Variants in GTPBP10 observed in about 807,000 individuals in gnomAD.
GTPBP10 encodes the protein GTP binding protein 10.
Under a neutral mutation model 44.8 loss-of-function variants are expected in GTPBP10, and 38 were observed. The observed-to-expected ratio is 0.85, with a 90% CI of 0.65 to 1.11. The LOEUF is 1.11. Among genes scored for constraint, GTPBP10 ranks in the 50% most tolerant of loss-of-function variants. The probability of loss-of-function intolerance (pLI) is 0.00; values close to 1 mark genes in which losing one functional copy is unlikely to be tolerated. For synonymous variants in GTPBP10, 152 were observed against 150.6 expected, an observed-to-expected ratio of 1.01 and a Z score of -0.07; for missense variants, 462 against 453.7, an observed-to-expected ratio of 1.02 and a Z score of -0.17.
intron 4 of GTPBP10, among the ~76,000 whole-genome samples, chr7:90,371,851 T>TA (rs1263629098): frequency 1.3e-5 from 2 of 152,026 alleles, no homozygotes; most frequent in Non-Finnish European, 2.9e-5. Flanking sequence ...GTTAGAAAGT[T>TA]ACAGGTGTTT....
chr7:90,383,396 A>G (rs1461770291), intron 9 of GTPBP10, among the ~76,000 whole-genome samples: 1 of 152,198 alleles, frequency 6.6e-6, no homozygotes, highest in Non-Finnish European at 1.5e-5. Context: ...GTCAGCATCT[A>G]CCTGTGAAGT....
intron 4 of GTPBP10, among the ~76,000 whole-genome samples, chr7:90,357,983 A>C (rs1795939812): frequency 6.6e-6 from 1 of 152,170 alleles, no homozygotes; most frequent in Non-Finnish European, 1.5e-5. Flanking sequence ...ATTGGAAAGA[A>C]GGAAGTCAAA....
chr7:90,348,074 G>T (rs1264775880), intron 1 of GTPBP10, among the ~76,000 whole-genome samples: 1 of 152,012 alleles, frequency 6.6e-6, no homozygotes, highest in Non-Finnish European at 1.5e-5. Flanking sequence ...AACAGTCGGG[G>T]TGGTGTGGTG....
At chr7:90,366,719 CA>C (rs57926111) in intron 4 of GTPBP10, among the ~76,000 whole-genome samples, 2,598 of 138,360 alleles carry the variant, frequency 0.019, 67 homozygotes, top group African/African-American at 0.061. Context: ...TAGATTCTTT[CA>C]AAAAAAAAAA....
chr7:90,382,914 AACCAGT>A, intron 8 of GTPBP10, 36 bp from the exon 9 acceptor site: 1 of 1,394,326 alleles, frequency 7.2e-7, no homozygotes, highest in Non-Finnish European at 9.6e-7. Context: ...TTTATACAGA[AACCAGT>A]ACTAAAATTA....
chr7:90,386,258 G>A lies in GTPBP10; in HGVS notation c.*1104G>A, dbSNP rs543011259. On this transcript the variant is annotated 3_prime_UTR_variant, in exon 10 of 10. Coordinates refer to ENST00000222511, the MANE Select transcript of GTPBP10 (RefSeq NM_033107.4). ...TTTTGAGCCTGTCTTGTACCTGGTT[G>A]CACTAAATATATAATAGTTATCTTT... The A allele has an allele frequency of 2.6e-5, 4 of 152,182 alleles. No individual in the cohort carries two copies. The South Asian group carries it at 8.3e-4, about 32-fold the overall frequency. 9.4% of individuals were successfully genotyped at this position (152,182 alleles called of 1,614,324 possible). A position where few individuals can be genotyped will look rare whatever the true frequency, so the allele number is the denominator to read the frequency against.
chr7:90,364,606 C>T (rs1796094502), intron 4 of GTPBP10, among the ~76,000 whole-genome samples: 1 of 152,208 alleles, frequency 6.6e-6, no homozygotes. Context: ...GGCAGTCTGT[C>T]CGTTCTCAGT....
chr7:90,375,767 C>T (rs988698561), intron 6 of GTPBP10, among the ~76,000 whole-genome samples: 1 of 152,004 alleles, frequency 6.6e-6, no homozygotes, highest in African/African-American at 2.4e-5. Context: ...CGAGTACTGC[C>T]TCTCATTCTT....
chr7:90,376,101 G>C (rs1467880082), intron 6 of GTPBP10, among the ~76,000 whole-genome samples: 2 of 151,722 alleles, frequency 1.3e-5, no homozygotes, highest in African/African-American at 4.8e-5. Flanking sequence ...TGGGTGTGGT[G>C]GTGGGTGCCT....
rs1489112591 is a variant in GTPBP10, at chr7:90,346,787, C to G, written c.33+13C>G. On this transcript the variant is annotated intron_variant, in intron 1 of 9. Transcript: ENST00000222511. ...GTTGTTCAGAAAGGTCCGTGCGGGT[C>G]CCCTCAGCCTGGTCCCCTTAGCGCT... The G allele has an allele frequency of 1.2e-6, 2 of 1,613,254 alleles. No individual in the cohort carries two copies. Among genetic ancestry groups the G allele is most frequent in the Non-Finnish European group, 8.5e-7 (1 of 1,179,866 alleles).
intron 4 of GTPBP10, among the ~76,000 whole-genome samples, chr7:90,365,778 C>A (rs1796122800): frequency 6.6e-6 from 1 of 152,218 alleles, no homozygotes; most frequent in African/African-American, 2.4e-5. Flanking sequence ...CCTGACGGCC[C>A]TGGCCAAAAC....
intron 7 of GTPBP10, chr7:90,377,915 T>G: frequency 2.4e-6 from 1 of 424,892 alleles, no homozygotes; most frequent in Non-Finnish European, 3.2e-6. Flanking sequence ...ACAAATTGTC[T>G]TATCCTAGTT....
At chr7:90,362,635 G>A (rs1796047345) in intron 4 of GTPBP10, among the ~76,000 whole-genome samples, 1 of 152,176 alleles carries the variant, frequency 6.6e-6, no homozygotes, top group Non-Finnish European at 1.5e-5. Context: ...GAGTTCTGTA[G>A]ATGTCTATTA....
rs1796545381 is a variant in GTPBP10, at chr7:90,387,546, T to G, written c.*2392T>G. ...GATGTTTTCCCAGTATTATTTCAAT[T>G]ATATTTGTTTTATTTTCTGTTCCTC... On this transcript the variant is annotated 3_prime_UTR_variant, in exon 10 of 10. Transcript: ENST00000222511. The G allele has an allele frequency of 6.6e-6, 1 of 152,188 alleles. No individual in the cohort carries two copies. 9.4% of individuals were successfully genotyped at this position (152,188 alleles called of 1,614,324 possible).
intron 4 of GTPBP10, 72 bp from the exon 5 acceptor site, chr7:90,372,083 T>A: frequency 4.6e-6 from 4 of 864,618 alleles, no homozygotes; most frequent in Non-Finnish European, 7.4e-6. Flanking sequence ...ATTCATGAAG[T>A]CTACTTGAAT....
At chr7:90,380,132 G>A (rs1445132299) in intron 8 of GTPBP10, among the ~76,000 whole-genome samples, 1 of 139,452 alleles carries the variant, frequency 7.2e-6, no homozygotes, top group African/African-American at 2.7e-5. Context: ...GGGCTGGAGT[G>A]CGGTGGCACA....
chr7:90,353,475 A>G (rs1371225222), intron 2 of GTPBP10, among the ~76,000 whole-genome samples: 1 of 152,256 alleles, frequency 6.6e-6, no homozygotes, highest in Non-Finnish European at 1.5e-5. Context: ...ATGAGAGTAC[A>G]GTATTTTACA....
intron 4 of GTPBP10, among the ~76,000 whole-genome samples, chr7:90,361,019 G>A (rs1185755448): frequency 1.3e-5 from 2 of 152,006 alleles, no homozygotes; most frequent in Non-Finnish European, 2.9e-5. Context: ...TTGCTTATCA[G>A]CTTGAGATTC....
At chr7:90,380,678 A>T (rs1796421008) in intron 8 of GTPBP10, among the ~76,000 whole-genome samples, 1 of 152,228 alleles carries the variant, frequency 6.6e-6, no homozygotes, top group South Asian at 2.1e-4. Context: ...AATCTGTTTT[A>T]GCAATTTTCA....
Sources: allele counts gnomAD v4.1 joint callset (sites outside exome capture counted in the v4.1 genomes callset), GRCh38; gene constraint gnomAD v4.1.1; transcripts MANE v1.5; gene names NCBI Gene and HGNC (gene_info 2026-07-23, HGNC 2026-07-21).